ANO3: variants seen among roughly 807,000 people sequenced by gnomAD.
ANO3 encodes the protein anoctamin 3.
A neutral mutation model predicts 144.8 loss-of-function variants in ANO3; 99 were observed. The ratio of observed to expected loss-of-function variants is 0.68; its 90% CI spans 0.58 to 0.81. ANO3 has a LOEUF of 0.81. ANO3 is among the 30% of genes least tolerant of loss of function. The pLI is 0.00. For missense variants in ANO3, 905 were observed against 1,202.2 expected (o/e 0.75, Z 3.66); for synonymous variants, 414 against 392.6 (o/e 1.05, Z -0.64).
intron 1 of ANO3, among the ~76,000 whole-genome samples, chr11:26,377,435 C>G (rs118019665): frequency 0.03 from 4,527 of 152,086 alleles, 98 homozygotes; most frequent in Middle Eastern, 0.1. Context: ...ATAAAAAGTT[C>G]ACTGTTAAAC....
At chr11:26,266,862 A>G (rs1223449837) in intron 1 of ANO3, among the ~76,000 whole-genome samples, 1 of 151,422 alleles carries the variant, frequency 6.6e-6, no homozygotes, top group Non-Finnish European at 1.5e-5. Flanking sequence ...CGGGCGGATC[A>G]CGAGGTCAGG....
chr11:26,522,765 T>A (rs556272849), intron 6 of ANO3, among the ~76,000 whole-genome samples: 2 of 152,038 alleles, frequency 1.3e-5, no homozygotes, highest in Non-Finnish European at 2.9e-5. Context: ...TCCACAAAGA[T>A]AGAAAAGGAA....
intron 1 of ANO3, among the ~76,000 whole-genome samples, chr11:26,220,086 G>T (rs1230643136): frequency 6.6e-6 from 1 of 152,218 alleles, no homozygotes; most frequent in African/African-American, 2.4e-5. Flanking sequence ...GGTCAGCTAA[G>T]GTAATCTATG....
intron 2 of ANO3, among the ~76,000 whole-genome samples, chr11:26,443,365 G>GCCTC (rs1858591543): frequency 4.6e-5 from 7 of 152,032 alleles, no homozygotes; most frequent in Non-Finnish European, 1.0e-4. Context: ...ACTTTGGGAG[G>GCCTC]CCAAAGTGGG....
chr11:26,443,197 CT>C, intron 2 of ANO3, among the ~76,000 whole-genome samples: 1 of 152,272 alleles, frequency 6.6e-6, no homozygotes, highest in Middle Eastern at 3.4e-3. Flanking sequence ...TGTGAAATCA[CT>C]ACATATTGTA....
Position 26,591,294 on chromosome 11 carries a change from A to C in ANO3, c.1448-7071A>C, listed in dbSNP as rs143852605. On this transcript the variant is annotated intron_variant, in intron 14 of 26. Transcript: ENST00000256737. Reference sequence around the variant, plus strand: ...ACTGCTTCCTGCTGAATTGGGGCGTAGTAGGGGTCGTGCAGTTGAGATTTC... The same window carrying C: ...ACTGCTTCCTGCTGAATTGGGGCGTCGTAGGGGTCGTGCAGTTGAGATTTC... 5.4e-3 allele frequency among the ~76,000 whole-genome samples: 817 copies of C among 152,194 alleles called. 6 individuals carry two copies. The highest frequency in any genetic ancestry group is 0.018 in the African/African-American group (757 of 41,516).
At position 26,583,930 on chromosome 11, in the gene ANO3, G is replaced by C. The variant is rs115335156; in HGVS notation, c.1448-14435G>C. Among the ~76,000 whole-genome samples the C allele has an allele frequency of 1.3e-3, 201 of 152,258 alleles. 1 individual carries two copies. The highest frequency in any genetic ancestry group is 4.6e-3 in the African/African-American group (192 of 41,528). ...TGTTCTGATGAAAACAATGCTTGGA[G>C]TTCCTTTTTTCTCCGTATTCAGACA... On this transcript the variant is annotated intron_variant, in intron 14 of 26. Coordinates refer to ENST00000256737, the MANE Select transcript of ANO3 (RefSeq NM_031418.4).
intron 1 of ANO3, among the ~76,000 whole-genome samples, chr11:26,241,466 A>G: frequency 6.6e-6 from 1 of 152,124 alleles, no homozygotes; most frequent in Admixed American, 6.5e-5. Flanking sequence ...TCTTACTCTC[A>G]TACTCCTAAC....
intron 1 of ANO3, among the ~76,000 whole-genome samples, chr11:26,212,752 G>A (rs567824975): frequency 6.6e-6 from 1 of 151,980 alleles, no homozygotes; most frequent in Non-Finnish European, 1.5e-5. Flanking sequence ...CTAAACAATA[G>A]AAAAAGAGGG....
At chr11:26,392,927 G>C (rs549747738) in intron 1 of ANO3, among the ~76,000 whole-genome samples, 9 of 152,004 alleles carry the variant, frequency 5.9e-5, no homozygotes, top group Non-Finnish European at 1.3e-4. Flanking sequence ...GTAAATGGAT[G>C]GTTCTGTAAT....
At chr11:26,539,670 C>T (rs372592299) in intron 10 of ANO3, among the ~76,000 whole-genome samples, 37 of 152,238 alleles carry the variant, frequency 2.4e-4, no homozygotes, top group African/African-American at 6.0e-4. Flanking sequence ...TGTCTTCTTT[C>T]CTTATGGGAG....
rs7950267 is a variant in ANO3, at chr11:26,309,802, A to T, written c.-3+83A>T. ...GTGGTAGCAACTCCAGAGTCTTTAC[A>T]GGGGGGGTGAAAATTTAACGCAAAT... On this transcript the variant is annotated intron_variant, in intron 1 of 26. Coordinates refer to the ANO3 transcript ENST00000525139. 3.5e-3 allele frequency: 1,557 copies of T among 447,168 alleles called. 21 individuals are homozygous for T. The African/African-American group carries it at 0.051, about 15-fold the overall frequency. 27.7% of individuals were successfully genotyped at this position (447,168 alleles called of 1,614,324 possible). A position where few individuals can be genotyped will look rare whatever the true frequency, so the allele number is the denominator to read the frequency against.
intron 1 of ANO3, among the ~76,000 whole-genome samples, chr11:26,276,762 T>C (rs184763885): frequency 1.3e-5 from 2 of 152,242 alleles, no homozygotes; most frequent in African/African-American, 4.8e-5. Flanking sequence ...TACCTCCCTC[T>C]AAAGGTCATC....
chr11:26,372,775 T>C (rs1260504019), intron 1 of ANO3, among the ~76,000 whole-genome samples: 1 of 152,040 alleles, frequency 6.6e-6, no homozygotes, highest in Admixed American at 6.6e-5. Context: ...GCCAAAGACA[T>C]AACATTAAAC....
At chr11:26,494,483 T>C (rs1244975584) in intron 4 of ANO3, among the ~76,000 whole-genome samples, 1 of 152,160 alleles carries the variant, frequency 6.6e-6, no homozygotes, top group Non-Finnish European at 1.5e-5. Context: ...AGTCTTCACC[T>C]CAGGTATTTC....
At chr11:26,375,279 G>C (rs1224573156) in intron 1 of ANO3, among the ~76,000 whole-genome samples, 1 of 152,156 alleles carries the variant, frequency 6.6e-6, no homozygotes, top group African/African-American at 2.4e-5. Flanking sequence ...TCTGACAGGA[G>C]GTGGAGCTCA....
chr11:26,471,272 T>C (rs1859772688), intron 4 of ANO3, among the ~76,000 whole-genome samples: 1 of 151,926 alleles, frequency 6.6e-6, no homozygotes. Context: ...CAGATTTATC[T>C]CTTTCCAAAA....
At chr11:26,376,903 T>C (rs976863447) in intron 1 of ANO3, among the ~76,000 whole-genome samples, 3 of 152,156 alleles carry the variant, frequency 2.0e-5, no homozygotes, top group African/African-American at 7.2e-5. Context: ...CAAAGCAGAA[T>C]TATTTGTATC....
chr11:26,652,305 T>G (rs956801359), intron 24 of ANO3, among the ~76,000 whole-genome samples: 2 of 152,184 alleles, frequency 1.3e-5, no homozygotes, highest in African/African-American at 2.4e-5. Context: ...TCCTCAAGCC[T>G]TCTGAACCTC....
Sources: gnomAD v4.1 joint callset for allele counts (sites outside exome capture counted in the v4.1 genomes callset) on GRCh38, gnomAD v4.1.1 for gene constraint, MANE v1.5 for transcripts, NCBI Gene and HGNC (gene_info 2026-07-23, HGNC 2026-07-21) for gene names.